CHST9: variants seen among roughly 807,000 people sequenced by gnomAD.
CHST9 encodes GalNAc-4-sulfotransferase 2.
A neutral mutation model predicts 44.4 loss-of-function variants in CHST9; 41 were observed. That is an observed-to-expected ratio of 0.92 (90% CI 0.72 to 1.20). The LOEUF is 1.20. Among genes scored for constraint, CHST9 ranks in the 50% most tolerant of loss-of-function variants. The pLI, the probability that CHST9 is intolerant of heterozygous loss-of-function variation, is 0.00. For missense variants in CHST9, 504 were observed against 516.5 expected (o/e 0.98, Z 0.23); for synonymous variants, 171 against 178.4 (o/e 0.96, Z 0.33).
intron 2 of CHST9, among the ~76,000 whole-genome samples, chr18:27,056,568 A>G (rs1014887058): frequency 6.6e-6 from 1 of 152,192 alleles, no homozygotes; most frequent in African/African-American, 2.4e-5. Flanking sequence ...TGTGAAGATT[A>G]AATAAAATGA....
chr18:26,957,047 A>C (rs1194627530), intron 4 of CHST9, among the ~76,000 whole-genome samples: 1 of 152,238 alleles, frequency 6.6e-6, no homozygotes, highest in Non-Finnish European at 1.5e-5. Context: ...AAGTCAGCCC[A>C]GCGGGGGAAA....
At chr18:27,091,146 G>A (rs1002415659) in intron 2 of CHST9, among the ~76,000 whole-genome samples, 18 of 152,110 alleles carry the variant, frequency 1.2e-4, no homozygotes, top group African/African-American at 3.9e-4. Context: ...AGTTCTCCTT[G>A]AAGAGGTCCT....
chr18:26,997,012 A>G (rs2056894867), intron 4 of CHST9, among the ~76,000 whole-genome samples: 1 of 152,240 alleles, frequency 6.6e-6, no homozygotes, highest in South Asian at 2.1e-4. Flanking sequence ...TCTTAGCACA[A>G]TGAGTCATAG....
intron 2 of CHST9, among the ~76,000 whole-genome samples, chr18:27,141,987 G>C (rs550281349): frequency 1.8e-4 from 27 of 152,260 alleles, no homozygotes; most frequent in African/African-American, 6.5e-4. Flanking sequence ...CCAATGGGCA[G>C]CAATTGCAAA....
chr18:26,945,862 G>A (rs987108708), intron 4 of CHST9, among the ~76,000 whole-genome samples: 1 of 152,140 alleles, frequency 6.6e-6, no homozygotes. Flanking sequence ...AAAAAAAGAT[G>A]TCCCAAGTGA....
At chr18:27,145,173 C>T (rs557053570) in intron 1 of CHST9, among the ~76,000 whole-genome samples, 3 of 151,688 alleles carry the variant, frequency 2.0e-5, no homozygotes, top group South Asian at 2.1e-4. Flanking sequence ...ACTTCTTTTC[C>T]GTTTGTTTGT....
Position 26,917,160 on chromosome 18 carries a change from T to G in CHST9, c.431A>C (p.Asn144Thr), listed in dbSNP as rs764547991. 3.7e-6 allele frequency: 6 copies of G among 1,613,964 alleles called. No homozygotes were observed. In the Middle Eastern group the frequency reaches 4.9e-4, roughly 133 times the overall value. Residue 144 changes from asparagine to threonine, a missense_variant, in exon 6 of 6, where the codon AAC becomes ACC. Transcript: ENST00000618847. ...EKRQGAKTVF[N>T]KFSNMNWPVD... ...TGGCCAATTCATGTTGCTGAACTTG[T>G]TAAAAACAGTCTTAGCTCCTTGACG...
chr18:26,976,265 C>G (rs374263814), intron 4 of CHST9, among the ~76,000 whole-genome samples: 1 of 151,998 alleles, frequency 6.6e-6, no homozygotes, highest in African/African-American at 2.4e-5. Flanking sequence ...GACTCTCTCC[C>G]TGAGGAATCT....
chr18:27,060,286 T>C (rs1028083281), intron 2 of CHST9, among the ~76,000 whole-genome samples: 5 of 152,210 alleles, frequency 3.3e-5, no homozygotes, highest in African/African-American at 1.2e-4. Flanking sequence ...AGTGGGCCTG[T>C]ACCTAATAAT....
At chr18:27,116,916 A>C (rs1476391872) in intron 2 of CHST9, among the ~76,000 whole-genome samples, 1 of 152,146 alleles carries the variant, frequency 6.6e-6, no homozygotes, top group Non-Finnish European at 1.5e-5. Context: ...TAGTATATAG[A>C]AATGCAAATC....
chr18:27,079,053 C>T (rs1339116597), intron 2 of CHST9, among the ~76,000 whole-genome samples: 3 of 152,124 alleles, frequency 2.0e-5, no homozygotes, highest in African/African-American at 7.2e-5. Context: ...TATTTGTCTC[C>T]ATCATCAGCT....
chr18:27,003,327 C>A (rs1462958877), intron 4 of CHST9, among the ~76,000 whole-genome samples: 2 of 152,130 alleles, frequency 1.3e-5, no homozygotes, highest in Non-Finnish European at 2.9e-5. Context: ...CAGTCCCAGA[C>A]CACCATTTCA....
intron 4 of CHST9, among the ~76,000 whole-genome samples, chr18:26,970,525 CT>C (rs1390684865): frequency 6.6e-6 from 1 of 152,130 alleles, no homozygotes; most frequent in East Asian, 1.9e-4. Context: ...GACTCTGGGG[CT>C]AAAGCGATTC....
intron 3 of CHST9, among the ~76,000 whole-genome samples, chr18:27,039,463 T>C (rs1302063132): frequency 6.6e-6 from 1 of 151,606 alleles, no homozygotes; most frequent in Non-Finnish European, 1.5e-5. Context: ...TCAAATTTAT[T>C]GAGACAGACA....
chr18:26,978,393 A>C (rs2056651145), intron 4 of CHST9, among the ~76,000 whole-genome samples: 2 of 152,090 alleles, frequency 1.3e-5, no homozygotes, highest in South Asian at 4.2e-4. Context: ...AAATCCTTTC[A>C]TTTATTAAGT....
intron 2 of CHST9, 70 bp downstream of exon 2, chr18:27,142,619 C>T: frequency 9.1e-7 from 1 of 1,097,116 alleles, no homozygotes; most frequent in Non-Finnish European, 1.2e-6. Context: ...TAATAAGCAT[C>T]ACAACTAATT....
intron 4 of CHST9, among the ~76,000 whole-genome samples, chr18:27,018,028 C>T (rs939446159): frequency 6.6e-6 from 1 of 152,076 alleles, no homozygotes; most frequent in Admixed American, 6.5e-5. Flanking sequence ...AAAACCAAAA[C>T]CAAAAAGCCT....
At chr18:27,109,895 G>T (rs770247286) in intron 2 of CHST9, among the ~76,000 whole-genome samples, 3 of 152,174 alleles carry the variant, frequency 2.0e-5, no homozygotes, top group African/African-American at 7.2e-5. Context: ...GTGGAGAGAA[G>T]TTAGGCCTCT....
intron 2 of CHST9, among the ~76,000 whole-genome samples, chr18:27,064,176 G>A (rs1287308548): frequency 6.6e-6 from 1 of 151,920 alleles, no homozygotes; most frequent in African/African-American, 2.4e-5. Flanking sequence ...CCCTGGGCAA[G>A]TGATAATAGA....
Sources: allele counts gnomAD v4.1 joint callset (sites outside exome capture counted in the v4.1 genomes callset), GRCh38; gene constraint gnomAD v4.1.1; transcripts MANE v1.5; gene names NCBI Gene and HGNC (gene_info 2026-07-23, HGNC 2026-07-21).